PRORP: variants seen among roughly 807,000 people sequenced by gnomAD.
PRORP encodes mitochondrial ribonuclease P catalytic subunit.
PRORP carries 51 observed loss-of-function variants against 59.4 expected under a neutral mutation model. The observed-to-expected ratio is 0.86, with a 90% CI of 0.69 to 1.08. The LOEUF (loss-of-function observed/expected upper bound fraction) is 1.08. Among genes scored for constraint, PRORP ranks in the 50% least tolerant of loss-of-function variants. The pLI is 0.00. For synonymous variants in PRORP, 231 were observed against 245.6 expected (o/e 0.94, Z 0.55); for missense variants, 646 against 690.3 (o/e 0.94, Z 0.72).
At chr14:35,167,102 G>A (rs145750133) in intron 4 of PRORP, among the ~76,000 whole-genome samples, 3 of 152,210 alleles carry the variant, frequency 2.0e-5, no homozygotes, top group African/African-American at 7.2e-5. Flanking sequence ...CTTACTTTCA[G>A]TCCCGTTACC....
intron 4 of PRORP, among the ~76,000 whole-genome samples, chr14:35,166,982 A>G (rs2048201221): frequency 6.6e-6 from 1 of 152,138 alleles, no homozygotes; most frequent in Non-Finnish European, 1.5e-5. Context: ...GGTAAGCTGC[A>G]TGAAGATGGG....
At chr14:35,219,455 A>G (rs1020886968) in intron 5 of PRORP, among the ~76,000 whole-genome samples, 2 of 152,336 alleles carry the variant, frequency 1.3e-5, no homozygotes, top group East Asian at 3.9e-4. Context: ...CTACAAAGGG[A>G]CATGCAGCAT....
chr14:35,136,498 C>T (rs1408867279), intron 4 of PRORP, among the ~76,000 whole-genome samples: 1 of 145,290 alleles, frequency 6.9e-6, no homozygotes, highest in Non-Finnish European at 1.5e-5. Context: ...TCTCAGCCGC[C>T]TGAGTAGCTG....
In PRORP at chr14:35,180,661, C is replaced by G; in HGVS notation, c.1168-9C>G. ...CTTATTAATGTTTTGTCTGACATTT[C>G]TTTATTAGGAACTTAAGAGATTTGA... On this transcript the variant is annotated splice_polypyrimidine_tract_variant and intron_variant, in intron 4 of 7. Transcript: ENST00000534898. 1 of 1,550,634 alleles carries G rather than the reference C, an allele frequency of 6.4e-7. No homozygotes were observed. Among genetic ancestry groups the G allele is most frequent in the Non-Finnish European group, 8.9e-7 (1 of 1,125,014 alleles).
At chr14:35,177,286 T>C (rs1244297123) in intron 4 of PRORP, among the ~76,000 whole-genome samples, 1 of 152,230 alleles carries the variant, frequency 6.6e-6, no homozygotes, top group South Asian at 2.1e-4. Flanking sequence ...TTCCCTCTTT[T>C]TCTATTGATT....
intron 3 of PRORP, among the ~76,000 whole-genome samples, chr14:35,127,219 A>G (rs1373865881): frequency 1.3e-5 from 2 of 152,028 alleles, no homozygotes; most frequent in Non-Finnish European, 2.9e-5. Flanking sequence ...GTTGAAACCA[A>G]GTCTCCACTA....
At chr14:35,170,880 A>T in intron 4 of PRORP, among the ~76,000 whole-genome samples, 1 of 144,648 alleles carries the variant, frequency 6.9e-6, no homozygotes, top group African/African-American at 2.6e-5. Context: ...ACGGAGTTTC[A>T]CTCTTGTTGC....
intron 4 of PRORP, among the ~76,000 whole-genome samples, chr14:35,141,311 A>G (rs1353012237): frequency 7.0e-6 from 1 of 143,308 alleles, no homozygotes; most frequent in African/African-American, 2.5e-5. Flanking sequence ...CCCAGGCTGG[A>G]ATACAGTGGC....
At chr14:35,266,640 C>T (rs1380820836) in intron 5 of PRORP, 87 bp from the exon 6 acceptor site, 1 of 1,406,444 alleles carries the variant, frequency 7.1e-7, no homozygotes, top group African/African-American at 1.4e-5. Flanking sequence ...GAGTGCTTCA[C>T]CATTGAGGTG....
chr14:35,177,379 T>C (rs1403336124), intron 4 of PRORP, among the ~76,000 whole-genome samples: 2 of 152,152 alleles, frequency 1.3e-5, no homozygotes, highest in African/African-American at 2.4e-5. Flanking sequence ...GTCCTGGACT[T>C]TTTTTGGTTT....
chr14:35,259,914 A>C (rs761672652), intron 5 of PRORP, among the ~76,000 whole-genome samples: 3 of 151,936 alleles, frequency 2.0e-5, no homozygotes, highest in Non-Finnish European at 4.4e-5. Context: ...AAAATAAAAT[A>C]AAATCTATAG....
intron 4 of PRORP, among the ~76,000 whole-genome samples, chr14:35,134,073 G>T (rs377727477): frequency 1.3e-5 from 2 of 152,222 alleles, no homozygotes; most frequent in East Asian, 1.9e-4. Flanking sequence ...AGGGCGACAA[G>T]TTCCCCCAGG....
intron 4 of PRORP, among the ~76,000 whole-genome samples, chr14:35,154,402 G>T (rs1447768808): frequency 1.3e-5 from 2 of 152,136 alleles, no homozygotes; most frequent in Non-Finnish European, 2.9e-5. Context: ...GTCTTGAGCA[G>T]AGCACATGAC....
intron 5 of PRORP, among the ~76,000 whole-genome samples, chr14:35,197,395 A>G (rs1043970081): frequency 6.6e-6 from 1 of 152,216 alleles, no homozygotes; most frequent in African/African-American, 2.4e-5. Context: ...TAGTAAATTT[A>G]CTTAAACTGT....
At chr14:35,159,535 G>A (rs908478498) in intron 4 of PRORP, among the ~76,000 whole-genome samples, 2 of 151,962 alleles carry the variant, frequency 1.3e-5, no homozygotes, top group African/African-American at 4.8e-5. Flanking sequence ...TTTCATATCA[G>A]TATCTATTGT....
chr14:35,128,271 GTTTTTTGTTTT>G (rs779539071), intron 4 of PRORP, among the ~76,000 whole-genome samples: 13 of 143,776 alleles, frequency 9.0e-5, no homozygotes, highest in Non-Finnish European at 1.5e-4. Flanking sequence ...TTGGCCTGTA[GTTTTTTGTTTT>G]TTTTTTGTTG....
rs1252360345 is a variant in PRORP, at chr14:35,123,975, A to C, written c.730A>C (p.Lys244Gln). 6.2e-6 allele frequency: 10 copies of C among 1,614,198 alleles called. No individual in the cohort carries two copies. The East Asian group carries it at 2.2e-4, about 36-fold the overall frequency. ...EDIKKVITPS[K>Q]KNYNDCIQGA... is the part of the protein sequence containing the mutation. ...CATCAAAAAAGTTATAACTCCTTCAAAAAAGAACTATAATGACTGTATCCA... is the reference window on the plus strand; with the variant it reads ...CATCAAAAAAGTTATAACTCCTTCACAAAAGAACTATAATGACTGTATCCA... The change falls in exon 2 of 8, where the codon AAA (lysine) becomes CAA (glutamine). Residue 244 changes from lysine (K) to glutamine (Q), a missense_variant. Transcript: ENST00000534898.
At chr14:35,186,276 C>A (rs891939374) in intron 5 of PRORP, among the ~76,000 whole-genome samples, 1 of 151,638 alleles carries the variant, frequency 6.6e-6, no homozygotes, top group Non-Finnish European at 1.5e-5. Context: ...AACCACCATG[C>A]CGCCTAGATT....
At chr14:35,122,244 G>A, upstream of PRORP, 1 of 443,196 alleles carries the variant, frequency 2.3e-6, no homozygotes, top group Admixed American at 3.4e-5. Flanking sequence ...TAAAGGCCAC[G>A]ATAAGCCCGC....
Sources: gnomAD v4.1 joint callset for allele counts (sites outside exome capture counted in the v4.1 genomes callset) on GRCh38, gnomAD v4.1.1 for gene constraint, MANE v1.5 for transcripts, NCBI Gene and HGNC (gene_info 2026-07-23, HGNC 2026-07-21) for gene names.